Variants in KRT8 observed in about 807,000 individuals in gnomAD.
KRT8 encodes the protein keratin 8.
KRT8 carries 24 observed loss-of-function variants against 43.0 expected under a neutral mutation model. The observed-to-expected ratio is 0.56, with a 90% confidence interval of 0.40 to 0.78. KRT8 has a LOEUF of 0.78. Ranked by LOEUF, KRT8 falls within the 30% of genes least tolerant of loss-of-function variation. The probability of loss-of-function intolerance (pLI) is 0.00; values close to 1 mark genes in which losing one functional copy is unlikely to be tolerated. For synonymous variants in KRT8, 214 were observed against 261.2 expected (o/e 0.82, Z 1.74); for missense variants, 492 against 638.4 (o/e 0.77, Z 2.47).
At chr12:52,901,049 T>A in intron 3 of KRT8, 110 bp downstream of exon 3, 1 of 834,230 alleles carries the variant, frequency 1.2e-6, no homozygotes, top group Non-Finnish European at 2.1e-6. Flanking sequence ...CATAAATGAG[T>A]TTGTCCCACT....
At chr12:52,910,667 G>C (rs1261708818), upstream of KRT8, among the ~76,000 whole-genome samples, 4 of 152,216 alleles carry the variant, frequency 2.6e-5, no homozygotes, top group Non-Finnish European at 5.9e-5. Context: ...TTGCGATAGG[G>C]GAAGCCCTCA....
intron 2 of KRT8, among the ~76,000 whole-genome samples, chr12:52,916,955 C>A (rs189678188): frequency 1.4e-4 from 21 of 152,244 alleles, no homozygotes; most frequent in African/African-American, 5.1e-4. Context: ...GTGTATAGAA[C>A]CTCAGGACTG....
chr12:52,943,584 A>T (rs1478817723), intron 2 of KRT8, among the ~76,000 whole-genome samples: 1 of 152,336 alleles, frequency 6.6e-6, no homozygotes, highest in African/African-American at 2.4e-5. Context: ...GTTTCACCCA[A>T]ATCCTTGAGG....
At chr12:52,901,543 G>C in intron 2 of KRT8, 1 of 554,314 alleles carries the variant, frequency 1.8e-6, no homozygotes, top group South Asian at 2.1e-5. Flanking sequence ...GACTAAAGAG[G>C]GGCCAGAATG....
At chr12:52,910,128 G>T (rs1175165169), upstream of KRT8, among the ~76,000 whole-genome samples, 2 of 152,116 alleles carry the variant, frequency 1.3e-5, no homozygotes, top group African/African-American at 4.8e-5. Flanking sequence ...AACCAAGAAG[G>T]TCATCCCACT....
At chr12:52,924,829 A>T (rs1354306509) in intron 2 of KRT8, among the ~76,000 whole-genome samples, 1 of 152,098 alleles carries the variant, frequency 6.6e-6, no homozygotes, top group Non-Finnish European at 1.5e-5. Context: ...CCTCAGCTGT[A>T]CTCTGTGGTC....
chr12:52,904,036 G>A (rs1366812197), intron 1 of KRT8, among the ~76,000 whole-genome samples: 1 of 151,802 alleles, frequency 6.6e-6, no homozygotes, highest in Non-Finnish European at 1.5e-5. Flanking sequence ...TCAGGCCTCC[G>A]GGCGCCAAAG....
intron 2 of KRT8, chr12:52,926,613 C>T: frequency 3.1e-6 from 2 of 637,924 alleles, no homozygotes; most frequent in Admixed American, 2.5e-5. Context: ...TCTGAGCTCC[C>T]CTCCCTGATT....
exon 2 of KRT8, chr12:52,902,013 C>G: frequency 6.2e-7 from 1 of 1,603,524 alleles, no homozygotes; most frequent in Non-Finnish European, 8.5e-7. Context: ...CCGTCTTCTG[C>G]TGCTGCAGGA....
At chr12:52,899,485 C>G (rs1237403628) in intron 5 of KRT8, among the ~76,000 whole-genome samples, 1 of 152,110 alleles carries the variant, frequency 6.6e-6, no homozygotes, top group Non-Finnish European at 1.5e-5. Flanking sequence ...CAGAGCTCAA[C>G]CTTACCCTGA....
upstream of KRT8, chr12:52,906,556 C>T: frequency 1.6e-5 from 6 of 385,706 alleles, no homozygotes; most frequent in Non-Finnish European, 2.6e-5. Context: ...CTGAGCAAGG[C>T]ACCCCAGGCC....
intron 2 of KRT8, chr12:52,949,073 G>A: frequency 8.9e-7 from 1 of 1,128,964 alleles, no homozygotes; most frequent in Non-Finnish European, 1.3e-6. Context: ...GGGCGGGGGC[G>A]GGGCCTCACT....
chr12:52,949,023 G>C, intron 2 of KRT8: 1 of 700,198 alleles, frequency 1.4e-6, no homozygotes, highest in Admixed American at 2.7e-5. Context: ...CGCGGGCTCC[G>C]AGCCGTCCAC....
At chr12:52,930,217 A>ATTTTTT (rs35917845) in intron 2 of KRT8, among the ~76,000 whole-genome samples, 3 of 146,392 alleles carry the variant, frequency 2.0e-5, no homozygotes, top group Non-Finnish European at 4.5e-5. Flanking sequence ...CAATTCTATC[A>ATTTTTT]TTTTTTTTTT....
chr12:52,906,641 C>T (rs1455524650), upstream of KRT8: 2 of 454,376 alleles, frequency 4.4e-6, no homozygotes, highest in Non-Finnish European at 8.9e-6. Context: ...ATTCCACCTG[C>T]AATTACCTGA....
chr12:52,949,074 G>C, intron 2 of KRT8: 1 of 1,132,968 alleles, frequency 8.8e-7, no homozygotes. Flanking sequence ...GGCGGGGGCG[G>C]GGCCTCACTC....
intron 2 of KRT8, among the ~76,000 whole-genome samples, chr12:52,927,216 CA>C (rs1942009117): frequency 6.6e-6 from 1 of 152,176 alleles, no homozygotes; most frequent in African/African-American, 2.4e-5. Flanking sequence ...CCTTCACCAC[CA>C]CTCAGTTTGA....
chr12:52,935,469 T>C (rs1398787761), intron 2 of KRT8, among the ~76,000 whole-genome samples: 1 of 130,530 alleles, frequency 7.7e-6, no homozygotes, highest in Non-Finnish European at 1.6e-5. Context: ...GAGGCGGGTG[T>C]ATCACGAGGT....
At chr12:52,934,751 C>G (rs1166329300) in intron 2 of KRT8, among the ~76,000 whole-genome samples, 7 of 151,966 alleles carry the variant, frequency 4.6e-5, no homozygotes, top group Admixed American at 1.3e-4. Context: ...GGCAGATCAC[C>G]TGAGGTCAGG....
Sources: gnomAD v4.1 joint callset for allele counts (sites outside exome capture counted in the v4.1 genomes callset) on GRCh38, gnomAD v4.1.1 for gene constraint, MANE v1.5 for transcripts, NCBI Gene and HGNC (gene_info 2026-07-23, HGNC 2026-07-21) for gene names.